The following KMT2A variants were observed in gnomAD, a reference collection of about 807,000 sequenced individuals.
KMT2A encodes the protein histone-lysine N-methyltransferase 2A.
In KMT2A, 16 loss-of-function variants were observed where a neutral mutation model predicts 345.3. That is an observed-to-expected ratio of 0.05 (90% confidence interval 0.03 to 0.07). The LOEUF is 0.07. Ranked by LOEUF, KMT2A falls within the 10% of genes least tolerant of loss-of-function variation. The probability of loss-of-function intolerance (pLI) is 1.00; values close to 1 mark genes in which losing one functional copy is unlikely to be tolerated. For synonymous variants in KMT2A, 1,599 were observed against 1,778.6 expected, an observed-to-expected ratio of 0.90 and a Z score of 2.54; for missense variants, 3,272 against 4,841.6, an observed-to-expected ratio of 0.68 and a Z score of 9.62.
In KMT2A at chr11:118,468,763, C is replaced by T. The variant is rs781794901; in HGVS notation, c.433-12C>T. The T allele has an allele frequency of 6.2e-7, 1 of 1,608,234 alleles. No homozygotes were observed. Among genetic ancestry groups the T allele is most frequent in the Non-Finnish European group, 8.5e-7 (1 of 1,175,344 alleles). ...TTGCTTCTGATTTTAAAATAATTTT[C>T]CTTTGTTGTAGGATGAGCAATTCTT... On this transcript the variant is annotated splice_polypyrimidine_tract_variant and intron_variant, in intron 1 of 35. Transcript: ENST00000534358.
At chr11:118,507,788 C>G in intron 28 of KMT2A, 179 bp downstream of exon 28, 1 of 540,572 alleles carries the variant, frequency 1.8e-6, no homozygotes, top group Non-Finnish European at 3.3e-6. Context: ...GGTGAAACCC[C>G]GTCTCTACTA....
rs192063424 is a variant in KMT2A at position 118,446,094 on chromosome 11, A to G, written c.432+9150A>G. Among the ~76,000 whole-genome samples, 22 of 152,064 alleles carry G rather than the reference A, an allele frequency of 1.4e-4. No individual in the cohort carries two copies. In the East Asian group the frequency reaches 4.1e-3, roughly 28 times the overall value. On this transcript the variant is annotated intron_variant, in intron 1 of 35. Coordinates refer to ENST00000534358, the MANE Select transcript of KMT2A (RefSeq NM_001197104.2). ...CCGGGTGGGGTGGCTCAATCCTGTA[A>G]TCCCAACACTTTGGAAGGCCGAGGC... is the stretch of plus-strand genomic sequence containing the variant.
rs1950354067 is a variant in KMT2A, at chr11:118,493,317, T to G, written c.5178+87T>G. The G allele has an allele frequency of 9.5e-7, 1 of 1,055,688 alleles. No individual in the cohort carries two copies. Among genetic ancestry groups the G allele is most frequent in the African/African-American group, 1.6e-5 (1 of 61,802 alleles). 65.4% of individuals were successfully genotyped at this position (1,055,688 alleles called of 1,614,324 possible). A position where few individuals can be genotyped will look rare whatever the true frequency, so the allele number is the denominator to read the frequency against. On this transcript the variant is annotated intron_variant, in intron 16 of 35. Transcript: ENST00000534358. The surrounding 1 kb of genome is among the most constrained non-coding windows in gnomAD (Gnocchi z 5.8). ...GGGCATGAAACTGAGTATAAGTAAA[T>G]TTAAAAATGAATTGTATTATATTTA...
At chr11:118,518,164 T>C (rs932507567) in intron 31 of KMT2A, among the ~76,000 whole-genome samples, 11 of 152,198 alleles carry the variant, frequency 7.2e-5, no homozygotes, top group Non-Finnish European at 1.5e-4. Flanking sequence ...CCAGTATTCG[T>C]AAATGAAATA....
At chr11:118,482,909 G>A (rs1245551931) in intron 8 of KMT2A, among the ~76,000 whole-genome samples, 5 of 152,094 alleles carry the variant, frequency 3.3e-5, no homozygotes, top group African/African-American at 1.2e-4. Context: ...GTCCAGCCTG[G>A]GTGACAAAGC....
intron 5 of KMT2A, among the ~76,000 whole-genome samples, chr11:118,478,437 C>G (rs531301091): frequency 1.3e-5 from 2 of 152,280 alleles, no homozygotes; most frequent in South Asian, 4.1e-4. Context: ...GAATAGTAGA[C>G]AACAATAATG....
At position 118,473,118 on chromosome 11, in the gene KMT2A, C is replaced by T. The variant is rs1949972256; in HGVS notation, c.1959C>T (p.Pro653=). 6.2e-7 allele frequency: 1 copy of T among 1,614,016 alleles called. No individual in the cohort carries two copies. The highest frequency in any genetic ancestry group is 8.5e-7 in the Non-Finnish European group (1 of 1,180,044). ...IRKPIFDNFR[P]PPLTPEDVGF... Reference sequence around the variant, plus strand: ...AACCAATATTTGATAATTTCCGACCCCCTCCACTAACTCCCGAGGACGTTG... The same window carrying T: ...AACCAATATTTGATAATTTCCGACCTCCTCCACTAACTCCCGAGGACGTTG... The change falls in exon 3 of 36, where the codon CCC becomes CCT. Residue 653 remains proline (P), a synonymous_variant. Transcript: ENST00000534358. This position sits in a 1 kb window ranked among gnomAD's most constrained non-coding sequence, Gnocchi z 5.2.
In KMT2A at chr11:118,472,190, A is replaced by G. The variant is rs892601475; in HGVS notation, c.1031A>G (p.Asp344Gly). The part of the protein sequence containing the change: ...KEGTPPLTKE[D>G]KTVVRQSPRR... ...GGAACACCTCCACTTACAAAAGAAG[A>G]TAAGACAGTTGTCAGACAAAGCCCT... is the stretch of plus-strand genomic sequence containing the variant. The change falls in exon 3 of 36, where the codon GAT (aspartate) becomes GGT (glycine). Residue 344 changes from aspartate (D) to glycine (G), a missense_variant. Physicochemically the swap from Asp to Gly is moderately conservative, Grantham distance 94. Coordinates refer to ENST00000534358, the MANE Select transcript of KMT2A (RefSeq NM_001197104.2). 6.2e-7 allele frequency: 1 copy of G among 1,613,906 alleles called. No homozygotes were observed. The highest frequency in any genetic ancestry group is 1.7e-5 in the Admixed American group (1 of 59,896).
In KMT2A at chr11:118,476,047, G is replaced by C. The variant is rs190193631; in HGVS notation, c.3157-758G>C. Among the ~76,000 whole-genome samples, 1 of 151,908 alleles carries C rather than the reference G, an allele frequency of 6.6e-6. No homozygotes were observed. Among genetic ancestry groups the C allele is most frequent in the African/African-American group, 2.4e-5 (1 of 41,362 alleles). ...CAGCCTCCCAAGTAGCTGGGATTAC[G>C]GGCATGCACCACCACGCCCAGCTAA... On this transcript the variant is annotated intron_variant, in intron 3 of 35. Coordinates refer to ENST00000534358, the MANE Select transcript of KMT2A (RefSeq NM_001197104.2). This position sits in a 1 kb window ranked among gnomAD's most constrained non-coding sequence, Gnocchi z 4.1.
intron 31 of KMT2A, 122 bp downstream of exon 31, chr11:118,512,147 G>A (rs1288169522): frequency 1.3e-6 from 1 of 751,652 alleles, no homozygotes; most frequent in Non-Finnish European, 2.2e-6. Context: ...GCTTTATTGA[G>A]ATTTAATTCA....
Position 118,496,196 on chromosome 11 carries a change from C to T in KMT2A, c.5558-65C>T, listed in dbSNP as rs903678554. On this transcript the variant is annotated intron_variant, in intron 19 of 35. Transcript: ENST00000534358. This position sits in a 1 kb window ranked among gnomAD's most constrained non-coding sequence, Gnocchi z 4.7. ...GAATTATTTCTTTTTTCCTTGAAAT[C>T]AGACATAGTATTGCCAATTTTAACT... 2 of 1,153,510 alleles carry T rather than the reference C, an allele frequency of 1.7e-6. No homozygotes were observed. The highest frequency in any genetic ancestry group is 1.5e-5 in the African/African-American group (1 of 65,202). The allele number at this position is 1,153,510 out of a possible 1,614,324, so 71.5% of individuals were successfully genotyped here.
In KMT2A at chr11:118,525,470, AG is replaced by A. The variant is rs1565322609; in HGVS notation, c.*3303del. On this transcript the variant is annotated 3_prime_UTR_variant, in exon 36 of 36. Coordinates refer to ENST00000534358, the MANE Select transcript of KMT2A (RefSeq NM_001197104.2). Reference sequence around the variant, plus strand: ...GTTTTTACACCAATAACAAGAATTAAGGGGGAAGCCCTGGCAGCTATACGTT... The same window carrying A: ...GTTTTTACACCAATAACAAGAATTAAGGGGAAGCCCTGGCAGCTATACGTT... 8.8e-6 allele frequency: 2 copies of A among 227,690 alleles called. No homozygotes were observed. Among genetic ancestry groups the A allele is most frequent in the Non-Finnish European group, 1.7e-5 (2 of 114,580 alleles). 14.1% of individuals were successfully genotyped at this position (227,690 alleles called of 1,614,324 possible). A position where few individuals can be genotyped will look rare whatever the true frequency, so the allele number is the denominator to read the frequency against.
intron 1 of KMT2A, among the ~76,000 whole-genome samples, chr11:118,466,002 G>A (rs1486220749): frequency 2.0e-5 from 3 of 152,064 alleles, no homozygotes; most frequent in African/African-American, 7.2e-5. Flanking sequence ...AGATTCACAT[G>A]TTGTAGGTTA....
chr11:118,495,786 C>A lies in KMT2A; in HGVS notation c.5450C>A (p.Thr1817Asn), dbSNP rs1555043805. Residue 1817 changes from threonine to asparagine, a missense_variant, in exon 19 of 36, where the codon ACT becomes AAT. Thr to Asn is a moderately conservative substitution (Grantham distance 65). This residue lies in a region of KMT2A where 235 missense variants were observed against 503.4 expected (regional missense o/e 0.47). Coordinates refer to ENST00000534358, the MANE Select transcript of KMT2A (RefSeq NM_001197104.2). This position sits in a 1 kb window ranked among gnomAD's most constrained non-coding sequence, Gnocchi z 4.1. ...CAGGAGCGAGAGGAAAACAGCCACA[C>A]TGAGCAGCCTCCTTTAATGAAGAAA... ...QWQEREENSH[T>N]EQPPLMKKII... is the part of the protein sequence containing the mutation. The A allele has an allele frequency of 1.9e-6, 3 of 1,614,128 alleles. No homozygotes were observed. Among genetic ancestry groups the A allele is most frequent in the South Asian group, 2.2e-5 (2 of 91,086 alleles).
rs1333190057 is a variant in KMT2A, at chr11:118,526,166, A to G, written c.*3994A>G. On this transcript the variant is annotated 3_prime_UTR_variant, in exon 36 of 36. Coordinates refer to ENST00000534358, the MANE Select transcript of KMT2A (RefSeq NM_001197104.2). ...GGGGGGAACCTCTAACCATAAAGGAATGGTAGAACAGTCCATTCCTCGGAT... is the reference window on the plus strand; with the variant it reads ...GGGGGGAACCTCTAACCATAAAGGAGTGGTAGAACAGTCCATTCCTCGGAT... The G allele has an allele frequency of 4.6e-6, 1 of 215,850 alleles. No individual in the cohort carries two copies. The highest frequency in any genetic ancestry group is 9.3e-6 in the Non-Finnish European group (1 of 107,048). 13.4% of individuals were successfully genotyped at this position (215,850 alleles called of 1,614,324 possible). A position where few individuals can be genotyped will look rare whatever the true frequency, so the allele number is the denominator to read the frequency against.
At chr11:118,452,191 C>A (rs1949553830) in intron 1 of KMT2A, among the ~76,000 whole-genome samples, 1 of 152,188 alleles carries the variant, frequency 6.6e-6, no homozygotes, top group South Asian at 2.1e-4. Context: ...ATAGTGCACA[C>A]AACTACGTCT....
intron 31 of KMT2A, 191 bp from the exon 32 acceptor site, chr11:118,519,426 AT>A: frequency 1.9e-6 from 1 of 528,822 alleles, no homozygotes; most frequent in East Asian, 2.8e-5. Flanking sequence ...TATCACAAAC[AT>A]TTTCCATATT....
Position 118,490,375 on chromosome 11 carries a change from T to A in KMT2A, c.4696+126T>A. Reference sequence around the variant, plus strand: ...ATGTCAAGGATACCATTTAGACACATTTCCTAAGTTCCTGTTTAGAACTTA... The same window carrying A: ...ATGTCAAGGATACCATTTAGACACAATTCCTAAGTTCCTGTTTAGAACTTA... On this transcript the variant is annotated intron_variant, in intron 13 of 35. Transcript: ENST00000534358. This position sits in a 1 kb window ranked among gnomAD's most constrained non-coding sequence, Gnocchi z 4.2. The A allele has an allele frequency of 9.7e-7, 1 of 1,032,566 alleles. No individual in the cohort carries two copies. The highest frequency in any genetic ancestry group is 1.3e-6 in the Non-Finnish European group (1 of 747,264). The allele number at this position is 1,032,566 out of a possible 1,614,324, so 64.0% of individuals were successfully genotyped here. A position where few individuals can be genotyped will look rare whatever the true frequency, so the allele number is the denominator to read the frequency against.
rs976993164 is a variant in KMT2A at position 118,510,587 on chromosome 11, G to A, written c.11071+469G>A. 6.6e-6 allele frequency among the ~76,000 whole-genome samples: 1 copy of A among 152,020 alleles called. No individual in the cohort carries two copies. The highest frequency in any genetic ancestry group is 1.5e-5 in the Non-Finnish European group (1 of 68,004). On this transcript the variant is annotated intron_variant, in intron 30 of 35. Coordinates refer to ENST00000534358, the MANE Select transcript of KMT2A (RefSeq NM_001197104.2). This position sits in a 1 kb window ranked among gnomAD's most constrained non-coding sequence, Gnocchi z 4.1. The stretch of plus-strand genomic sequence containing the variant: ...CTAAGCCCTCCCTCTCCCTCCTTTT[G>A]AATCTTACATGTTCTTCTCTCATAG...
Sources: allele counts gnomAD v4.1 joint callset (sites outside exome capture counted in the v4.1 genomes callset), GRCh38; gene constraint gnomAD v4.1.1; regional missense constraint gnomAD v4.1.1; non-coding constraint Gnocchi (gnomAD v3.1); transcripts MANE v1.5; gene names NCBI Gene and HGNC (gene_info 2026-07-23, HGNC 2026-07-21).